The following SOX5 variants were observed in gnomAD, a reference collection of about 807,000 sequenced individuals.
SOX5 encodes transcription factor SOX-5.
SOX5 carries 9 observed loss-of-function variants against 92.0 expected under a neutral mutation model. The ratio of observed to expected loss-of-function variants is 0.10; its 90% CI spans 0.06 to 0.17. SOX5 has a LOEUF of 0.17. Ranked by LOEUF, SOX5 falls within the 10% of genes least tolerant of loss-of-function variation. The probability of loss-of-function intolerance (pLI) is 1.00; values close to 1 mark genes in which losing one functional copy is unlikely to be tolerated. For synonymous variants in SOX5, 344 were observed against 336.3 expected, an observed-to-expected ratio of 1.02 and a Z score of -0.25; for missense variants, 642 against 944.5, an observed-to-expected ratio of 0.68 and a Z score of 4.20.
intron 4 of SOX5, among the ~76,000 whole-genome samples, chr12:24,164,099 C>T (rs1953100274): frequency 6.6e-6 from 1 of 152,002 alleles, no homozygotes; most frequent in Non-Finnish European, 1.5e-5. Flanking sequence ...AGAGAATGAT[C>T]TATAGTGAGG....
At chr12:24,237,643 T>C (rs1258950219) in intron 3 of SOX5, among the ~76,000 whole-genome samples, 1 of 152,138 alleles carries the variant, frequency 6.6e-6, no homozygotes, top group Non-Finnish European at 1.5e-5. Flanking sequence ...TTATGAAATA[T>C]TTGAACTAGT....
At chr12:24,446,145 G>A (rs189985101) in intron 1 of SOX5, among the ~76,000 whole-genome samples, 14 of 152,258 alleles carry the variant, frequency 9.2e-5, no homozygotes, top group Non-Finnish European at 1.3e-4. Flanking sequence ...AGAGAGATAA[G>A]ACCCTACCTA....
intron 1 of SOX5, among the ~76,000 whole-genome samples, chr12:24,414,671 A>G (rs1964702246): frequency 6.6e-6 from 1 of 152,208 alleles, no homozygotes; most frequent in Non-Finnish European, 1.5e-5. Flanking sequence ...AAAACACTCC[A>G]ATAGGGAAGT....
At chr12:23,874,625 A>C (rs148760905) in intron 2 of SOX5, among the ~76,000 whole-genome samples, 1 of 152,326 alleles carries the variant, frequency 6.6e-6, no homozygotes, top group Non-Finnish European at 1.5e-5. Flanking sequence ...CTAGAGTTAT[A>C]AGAAGAGAGA....
chr12:24,022,710 T>C (rs1441296506), intron 4 of SOX5, among the ~76,000 whole-genome samples: 1 of 152,106 alleles, frequency 6.6e-6, no homozygotes. Context: ...GCCTAAGCCA[T>C]AAGCATGGCT....
chr12:24,155,552 C>T (rs1952080285), intron 4 of SOX5, among the ~76,000 whole-genome samples: 1 of 152,032 alleles, frequency 6.6e-6, no homozygotes, highest in Non-Finnish European at 1.5e-5. Flanking sequence ...AATCTAGGGC[C>T]CTTTCCTGCC....
Position 23,998,947 on chromosome 12 carries a change from C to T in SOX5, c.-1-102923G>A, listed in dbSNP as rs578052577. ...ACAAGTATGATAAACAAAAGAAATCCACATCCAGAAACATAATCATCAAGT... is the reference window on the plus strand; with the variant it reads ...ACAAGTATGATAAACAAAAGAAATCTACATCCAGAAACATAATCATCAAGT... On this transcript the variant is annotated intron_variant, in intron 4 of 4. Transcript: ENST00000446891. Among the ~76,000 whole-genome samples, 36 of 151,202 alleles carry T rather than the reference C, an allele frequency of 2.4e-4. No individual in the cohort carries two copies. The Middle Eastern group carries it at 0.011, about 44-fold the overall frequency.
At chr12:23,778,406 G>A (rs1479697205) in intron 3 of SOX5, among the ~76,000 whole-genome samples, 1 of 152,120 alleles carries the variant, frequency 6.6e-6, no homozygotes. Flanking sequence ...TGAATGAACG[G>A]GACAATATCA....
At chr12:24,501,685 AGTGTTGTG>A (rs769031984) in intron 1 of SOX5, among the ~76,000 whole-genome samples, 54 of 151,840 alleles carry the variant, frequency 3.6e-4, no homozygotes, top group Non-Finnish European at 6.8e-4. Flanking sequence ...AAATTAGCTG[AGTGTTGTG>A]GTGTGCACCT....
chr12:24,139,970 A>G (rs1950430337), intron 4 of SOX5, among the ~76,000 whole-genome samples: 1 of 152,184 alleles, frequency 6.6e-6, no homozygotes, highest in Admixed American at 6.5e-5. Flanking sequence ...TCTTCAGACC[A>G]TTACTGTGGT....
intron 1 of SOX5, among the ~76,000 whole-genome samples, chr12:24,376,690 CTTTTTTTTTTTTTTTTTTTTT>C (rs1164391418): frequency 1.9e-3 from 133 of 70,606 alleles, no homozygotes; most frequent in African/African-American, 5.8e-3. Context: ...GGAGAGATAC[CTTTTTTTTTTTTTTTTTTTTT>C]TTTTTTTTTT....
At chr12:23,637,414 G>C (rs2138621509) in intron 8 of SOX5, among the ~76,000 whole-genome samples, 1 of 152,238 alleles carries the variant, frequency 6.6e-6, no homozygotes, top group Non-Finnish European at 1.5e-5. Context: ...ATTGGTACTA[G>C]ACAGCACCCA....
chr12:24,320,594 G>A (rs1390568417), intron 2 of SOX5, among the ~76,000 whole-genome samples: 4 of 152,054 alleles, frequency 2.6e-5, no homozygotes, highest in East Asian at 1.9e-4. Flanking sequence ...GTCTGGGCGC[G>A]GTGGCTCACG....
At chr12:24,391,372 T>TA (rs1958973811) in intron 1 of SOX5, among the ~76,000 whole-genome samples, 1 of 152,194 alleles carries the variant, frequency 6.6e-6, no homozygotes, top group Non-Finnish European at 1.5e-5. Flanking sequence ...CCAAATGAGA[T>TA]AAAATGGGTA....
chr12:23,846,689 C>A (rs1039681303), intron 2 of SOX5, among the ~76,000 whole-genome samples: 2 of 152,180 alleles, frequency 1.3e-5, no homozygotes, highest in African/African-American at 4.8e-5. Flanking sequence ...GTAGCTGCCT[C>A]TTCTTGATAA....
chr12:24,226,464 T>TTTTATTTA lies in SOX5; in HGVS notation c.-76-13055_-76-13048dup, dbSNP rs772969693. 4.2e-3 allele frequency among the ~76,000 whole-genome samples: 646 copies of TTTTATTTA among 152,128 alleles called. 1 individual carries two copies. Among genetic ancestry groups the TTTTATTTA allele is most frequent in the Non-Finnish European group, 5.0e-3 (339 of 67,976 alleles). ...TACTGCATAGAGATCTTCCTCATTA[T>TTTTATTTA]TTTATTTATTTATTTATTTATTTTG... On this transcript the variant is annotated intron_variant, in intron 3 of 4. Coordinates refer to the SOX5 transcript ENST00000446891.
At chr12:23,620,335 T>C (rs2077025924) in intron 8 of SOX5, among the ~76,000 whole-genome samples, 1 of 152,096 alleles carries the variant, frequency 6.6e-6, no homozygotes, top group African/African-American at 2.4e-5. Context: ...TCTACAAGAT[T>C]AGTCTAGACA....
At chr12:23,632,220 G>A (rs932829932) in intron 8 of SOX5, 2 of 151,992 alleles carry the variant, frequency 1.3e-5, no homozygotes, top group East Asian at 3.9e-4. Flanking sequence ...CGAAGGGAGA[G>A]GAAAAGAAGG....
At chr12:23,605,606 AAGG>A (rs1443103254) in intron 8 of SOX5, among the ~76,000 whole-genome samples, 2 of 151,808 alleles carry the variant, frequency 1.3e-5, no homozygotes, top group African/African-American at 4.8e-5. Context: ...AAATGCTCTC[AAGG>A]AGAAGTACTG....
Sources: gnomAD v4.1 joint callset for allele counts (sites outside exome capture counted in the v4.1 genomes callset) on GRCh38, gnomAD v4.1.1 for gene constraint, MANE v1.5 for transcripts, NCBI Gene and HGNC (gene_info 2026-07-23, HGNC 2026-07-21) for gene names.